The following RGS6 variants were observed in gnomAD, a reference collection of about 807,000 sequenced individuals.
RGS6 encodes the protein regulator of G protein signaling 6.
Under a neutral mutation model 78.5 loss-of-function variants are expected in RGS6, and 30 were observed. The ratio of observed to expected loss-of-function variants is 0.38; its 90% confidence interval spans 0.29 to 0.52. The LOEUF (loss-of-function observed/expected upper bound fraction) is 0.52, where lower values mean the gene tolerates loss of function less well. Ranked by LOEUF, RGS6 falls within the 20% of genes least tolerant of loss-of-function variation. The pLI is 0.85. For missense variants in RGS6, 495 were observed against 609.7 expected (o/e 0.81, Z 1.98); for synonymous variants, 206 against 206.0 (o/e 1.00, Z 0.00).
the RGS6 span, among the ~76,000 whole-genome samples, chr14:72,599,013 A>G: frequency 2.8e-4 from 42 of 152,218 alleles, no homozygotes; most frequent in Non-Finnish European, 5.3e-4. Flanking sequence ...ATTCTCTATT[A>G]CCCTAAACAA....
chr14:72,054,541 A>T (rs1236760883), intron 2 of RGS6, among the ~76,000 whole-genome samples: 1 of 152,146 alleles, frequency 6.6e-6, no homozygotes, highest in Non-Finnish European at 1.5e-5. Flanking sequence ...GTCTTTACTG[A>T]TGGAAATTTC....
At chr14:72,277,321 G>A (rs1188105942) in intron 2 of RGS6, among the ~76,000 whole-genome samples, 1 of 152,208 alleles carries the variant, frequency 6.6e-6, no homozygotes, top group Non-Finnish European at 1.5e-5. Context: ...CTACTAGCCG[G>A]GTGCGGTGGC....
intron 2 of RGS6, among the ~76,000 whole-genome samples, chr14:72,087,238 C>G (rs1408833657): frequency 2.0e-5 from 3 of 152,156 alleles, no homozygotes; most frequent in Non-Finnish European, 2.9e-5. Context: ...TCAAGTGATT[C>G]TCTTGCCTCA....
At chr14:71,949,149 C>T (rs982135444) in intron 1 of RGS6, among the ~76,000 whole-genome samples, 5 of 152,142 alleles carry the variant, frequency 3.3e-5, no homozygotes, top group African/African-American at 4.8e-5. Flanking sequence ...TTTTGTGACA[C>T]ACATATGAAT....
At chr14:72,017,671 T>C (rs931478968) in intron 2 of RGS6, among the ~76,000 whole-genome samples, 1 of 152,220 alleles carries the variant, frequency 6.6e-6, no homozygotes, top group African/African-American at 2.4e-5. Flanking sequence ...ACCTTTCTTG[T>C]CTCATCCCTG....
chr14:72,535,054 C>T (rs986839288), intron 15 of RGS6, among the ~76,000 whole-genome samples: 1 of 152,226 alleles, frequency 6.6e-6, no homozygotes, highest in East Asian at 1.9e-4. Context: ...AGCTGAATTC[C>T]ACTTCAATGG....
intron 2 of RGS6, among the ~76,000 whole-genome samples, chr14:72,211,913 A>G (rs1046565728): frequency 1.3e-4 from 20 of 152,204 alleles, no homozygotes; most frequent in African/African-American, 4.8e-4. Flanking sequence ...TAAAATTAGA[A>G]ACTAGACATG....
At chr14:72,399,820 T>C (rs966197467) in intron 3 of RGS6, among the ~76,000 whole-genome samples, 1 of 152,024 alleles carries the variant, frequency 6.6e-6, no homozygotes, top group Admixed American at 6.6e-5. Context: ...AAATGAAGCA[T>C]GAAGAGAAGT....
At chr14:72,059,411 T>C (rs2093779966) in intron 2 of RGS6, among the ~76,000 whole-genome samples, 1 of 152,238 alleles carries the variant, frequency 6.6e-6, no homozygotes, top group African/African-American at 2.4e-5. Context: ...TTGTCACATG[T>C]TCTTTTAGAA....
intron 3 of RGS6, 97 bp from the exon 4 acceptor site, chr14:72,454,431 C>A: frequency 1.6e-6 from 2 of 1,246,950 alleles, no homozygotes; most frequent in Non-Finnish European, 1.2e-6. Flanking sequence ...ACAGTGTGGA[C>A]TGTTTGGAAT....
chr14:72,223,777 T>G (rs766773656), intron 2 of RGS6, among the ~76,000 whole-genome samples: 1 of 152,218 alleles, frequency 6.6e-6, no homozygotes, highest in Non-Finnish European at 1.5e-5. Flanking sequence ...CATTCGGTCA[T>G]TGTTACTCTA....
chr14:72,548,286 G>A (rs976407911), intron 17 of RGS6, among the ~76,000 whole-genome samples: 1 of 151,674 alleles, frequency 6.6e-6, no homozygotes, highest in Non-Finnish European at 1.5e-5. Flanking sequence ...CCGCAGCTGG[G>A]ATGATGGGTC....
intron 1 of RGS6, among the ~76,000 whole-genome samples, chr14:71,938,820 A>T (rs1209750470): frequency 6.6e-6 from 1 of 152,192 alleles, no homozygotes; most frequent in Non-Finnish European, 1.5e-5. Context: ...TTCAGTTTCC[A>T]CCAAAGCCCA....
intron 2 of RGS6, among the ~76,000 whole-genome samples, chr14:72,131,463 A>G (rs928824010): frequency 2.6e-5 from 4 of 152,230 alleles, no homozygotes; most frequent in African/African-American, 9.6e-5. Flanking sequence ...ATAAGCTGCC[A>G]ATGACAGCCT....
intron 3 of RGS6, among the ~76,000 whole-genome samples, chr14:72,429,898 A>G (rs2094559996): frequency 1.3e-5 from 2 of 152,092 alleles, no homozygotes; most frequent in South Asian, 4.2e-4. Flanking sequence ...ATGAGATCTG[A>G]TGGTTTTACA....
chr14:72,560,831 T>TTTAA (rs2097664725), intron 17 of RGS6, among the ~76,000 whole-genome samples: 1 of 145,744 alleles, frequency 6.9e-6, no homozygotes, highest in African/African-American at 2.8e-5. Flanking sequence ...TGTGTGTGTG[T>TTTAA]GTGTGTGTTT....
At chr14:72,264,760 A>AG (rs1297966692) in intron 2 of RGS6, among the ~76,000 whole-genome samples, 1 of 152,252 alleles carries the variant, frequency 6.6e-6, no homozygotes, top group East Asian at 1.9e-4. Flanking sequence ...GGTCTCTCCC[A>AG]GGGACATTGA....
chr14:72,540,896 C>T, intron 17 of RGS6: 1 of 985,400 alleles, frequency 1.0e-6, no homozygotes. Flanking sequence ...ACAGCCGTGG[C>T]AACAGGTGGG....
At chr14:71,889,659 G>T in the RGS6 span, among the ~76,000 whole-genome samples, 70 of 152,296 alleles carry the variant, frequency 4.6e-4, no homozygotes, top group Middle Eastern at 3.4e-3. Context: ...GAAAGGAAAA[G>T]CAAGAGGCTG....
Sources: allele counts gnomAD v4.1 joint callset (sites outside exome capture counted in the v4.1 genomes callset), GRCh38; gene constraint gnomAD v4.1.1; transcripts MANE v1.5; gene names NCBI Gene and HGNC (gene_info 2026-07-23, HGNC 2026-07-21).